The following RERE variants were observed in gnomAD, a reference collection of about 807,000 sequenced individuals.
The protein encoded by RERE is arginine-glutamic acid dipeptide repeats protein.
RERE carries 40 observed loss-of-function variants against 146.1 expected under a neutral mutation model. That is an observed-to-expected ratio of 0.27 (90% confidence interval 0.21 to 0.36). RERE has a LOEUF of 0.36. Among genes scored for constraint, RERE ranks in the 10% least tolerant of loss-of-function variants. The pLI is 1.00. For missense variants in RERE, 1,933 were observed against 2,138.7 expected (o/e 0.90, Z 1.90); for synonymous variants, 1,003 against 866.0 (o/e 1.16, Z -2.78).
At chr1:8,803,707 T>A (rs1641632076) in intron 1 of RERE, among the ~76,000 whole-genome samples, 1 of 150,730 alleles carries the variant, frequency 6.6e-6, no homozygotes, top group Non-Finnish European at 1.5e-5. Context: ...AGACTACAGG[T>A]GCACACCACC....
At chr1:8,453,113 A>G (rs537061973) in intron 11 of RERE, among the ~76,000 whole-genome samples, 2 of 152,334 alleles carry the variant, frequency 1.3e-5, no homozygotes, top group East Asian at 3.9e-4. Context: ...GCTGATTATG[A>G]AGTCAGAGAA....
At chr1:8,785,918 G>A (rs1046852435) in intron 1 of RERE, among the ~76,000 whole-genome samples, 5 of 152,066 alleles carry the variant, frequency 3.3e-5, no homozygotes, top group South Asian at 2.1e-4. Flanking sequence ...CATCGCGCTC[G>A]GCCTGCCTTG....
chr1:8,590,201 A>G (rs1037583769), intron 4 of RERE, among the ~76,000 whole-genome samples: 1 of 152,186 alleles, frequency 6.6e-6, no homozygotes, highest in South Asian at 2.1e-4. Flanking sequence ...CAATAAAGAT[A>G]TGAAAACTGA....
intron 10 of RERE, among the ~76,000 whole-genome samples, chr1:8,479,444 T>G (rs1346407117): frequency 6.6e-6 from 1 of 152,100 alleles, no homozygotes; most frequent in Non-Finnish European, 1.5e-5. Context: ...AATGTGACCT[T>G]ATTTGGGAAA....
chr1:8,462,310 C>T (rs1644537385), intron 11 of RERE, among the ~76,000 whole-genome samples: 1 of 152,116 alleles, frequency 6.6e-6, no homozygotes, highest in African/African-American at 2.4e-5. Flanking sequence ...TTTACAAACT[C>T]GGAGGACAAT....
At position 8,355,082 on chromosome 1, in the gene RERE, A is replaced by G. The variant is rs765156961; in HGVS notation, c.*5T>C. 2.5e-6 allele frequency: 4 copies of G among 1,613,504 alleles called. No individual in the cohort carries two copies. Among genetic ancestry groups the G allele is most frequent in the Non-Finnish European group, 3.4e-6 (4 of 1,179,628 alleles). Reference sequence around the variant, plus strand: ...TTCCACAGCCAGCGTTAACAAATAAATAACTTATAACTGCTTGTCACCTTC... The same window carrying G: ...TTCCACAGCCAGCGTTAACAAATAAGTAACTTATAACTGCTTGTCACCTTC... On this transcript the variant is annotated 3_prime_UTR_variant, in exon 23 of 23. Transcript: ENST00000400908.
At chr1:8,788,949 A>G (rs897903172) in intron 1 of RERE, among the ~76,000 whole-genome samples, 29 of 151,610 alleles carry the variant, frequency 1.9e-4, no homozygotes, top group Non-Finnish European at 4.0e-4. Flanking sequence ...TCCAAATGAA[A>G]TGATCCCAAA....
intron 7 of RERE, among the ~76,000 whole-genome samples, chr1:8,527,786 T>C (rs1245869173): frequency 2.6e-5 from 4 of 152,096 alleles, no homozygotes; most frequent in African/African-American, 2.4e-5. Context: ...CCCTTTCTCT[T>C]GTTACCCCTC....
chr1:8,390,425 G>A (rs1642843827), intron 12 of RERE, among the ~76,000 whole-genome samples: 1 of 152,188 alleles, frequency 6.6e-6, no homozygotes, highest in Non-Finnish European at 1.5e-5. Context: ...CTTCTCCAGG[G>A]TAGGCTCTTC....
intron 1 of RERE, among the ~76,000 whole-genome samples, chr1:8,714,632 GAAGTCTTC>G (rs890008987): frequency 3.3e-5 from 5 of 152,140 alleles, no homozygotes; most frequent in Admixed American, 2.0e-4. Context: ...ATATGAAAGG[GAAGTCTTC>G]TTCCAACAAC....
chr1:8,707,352 G>A (rs929152971), intron 1 of RERE, among the ~76,000 whole-genome samples: 2 of 151,870 alleles, frequency 1.3e-5, no homozygotes, highest in South Asian at 2.1e-4. Context: ...AAATGTGAAG[G>A]GGAACCTTAG....
At position 8,352,858 on chromosome 1, in the gene RERE, A is replaced by C. The variant is rs1162017308; in HGVS notation, c.*2229T>G. The C allele has an allele frequency of 6.6e-6, 1 of 152,604 alleles. No individual in the cohort carries two copies. Among genetic ancestry groups the C allele is most frequent in the Non-Finnish European group, 1.5e-5 (1 of 68,058 alleles). 9.5% of individuals were successfully genotyped at this position (152,604 alleles called of 1,614,324 possible). A position where few individuals can be genotyped will look rare whatever the true frequency, so the allele number is the denominator to read the frequency against. On this transcript the variant is annotated 3_prime_UTR_variant, in exon 23 of 23. Coordinates refer to ENST00000400908, the MANE Select transcript of RERE (RefSeq NM_001042681.2). Reference sequence around the variant, plus strand: ...TATGGGGAGAAAAGCAAAGCTAACAAGAATGCCTTCGGACGGCTTTCAAGC... The same window carrying C: ...TATGGGGAGAAAAGCAAAGCTAACACGAATGCCTTCGGACGGCTTTCAAGC...
At chr1:8,682,828 G>C (rs1048415724) in intron 1 of RERE, among the ~76,000 whole-genome samples, 1 of 151,900 alleles carries the variant, frequency 6.6e-6, no homozygotes, top group African/African-American at 2.4e-5. Flanking sequence ...GTCTTTATTA[G>C]AAATGACAAG....
At position 8,587,887 on chromosome 1, in the gene RERE, C is replaced by T. The variant is rs190678908; in HGVS notation, c.522+26674G>A. ...TTTGACTAAGTCCTTCCCTCAGAAACCACTCTCACACTTCCCCAAGCTCTG... is the reference window on the plus strand; with the variant it reads ...TTTGACTAAGTCCTTCCCTCAGAAATCACTCTCACACTTCCCCAAGCTCTG... On this transcript the variant is annotated intron_variant, in intron 4 of 22. Transcript: ENST00000400908. Among the ~76,000 whole-genome samples the T allele has an allele frequency of 9.4e-4, 143 of 152,320 alleles. 1 individual carries two copies. Among genetic ancestry groups the T allele is most frequent in the Non-Finnish European group, 1.4e-3 (94 of 68,032 alleles).
intron 1 of RERE, among the ~76,000 whole-genome samples, chr1:8,700,229 C>G (rs185969315): frequency 6.6e-6 from 1 of 151,954 alleles, no homozygotes; most frequent in African/African-American, 2.4e-5. Flanking sequence ...CACTTGAACC[C>G]GGGAGACGGA....
chr1:8,653,954 C>A (rs1232350525), intron 2 of RERE, among the ~76,000 whole-genome samples: 1 of 152,034 alleles, frequency 6.6e-6, no homozygotes, highest in Non-Finnish European at 1.5e-5. Context: ...CACACAAATA[C>A]CTTCTCAGTT....
chr1:8,808,156 A>G (rs1641725497), intron 1 of RERE, among the ~76,000 whole-genome samples: 1 of 151,238 alleles, frequency 6.6e-6, no homozygotes. Context: ...TCAAAAAAAA[A>G]AAAAAAAAAA....
At chr1:8,680,000 T>C (rs1638927777) in intron 1 of RERE, among the ~76,000 whole-genome samples, 1 of 152,188 alleles carries the variant, frequency 6.6e-6, no homozygotes, top group South Asian at 2.1e-4. Context: ...TTTTCCATAA[T>C]GCAACACTAT....
chr1:8,530,339 C>G (rs1645627560), intron 7 of RERE, among the ~76,000 whole-genome samples: 1 of 152,124 alleles, frequency 6.6e-6, no homozygotes, highest in African/African-American at 2.4e-5. Context: ...CACTATAATA[C>G]TTAAATTTGT....
Sources: gnomAD v4.1 joint callset for allele counts (sites outside exome capture counted in the v4.1 genomes callset) on GRCh38, gnomAD v4.1.1 for gene constraint, MANE v1.5 for transcripts, NCBI Gene and HGNC (gene_info 2026-07-23, HGNC 2026-07-21) for gene names.